Variants in PNPLA6 observed in about 807,000 individuals in gnomAD.
PNPLA6 encodes the protein patatin like domain 6, lysophospholipase.
A neutral mutation model predicts 153.7 loss-of-function variants in PNPLA6; 105 were observed. The ratio of observed to expected loss-of-function variants is 0.68; its 90% CI spans 0.58 to 0.80. The LOEUF (loss-of-function observed/expected upper bound fraction) is 0.80, where lower values mean the gene tolerates loss of function less well. Ranked by LOEUF, PNPLA6 falls within the 30% of genes least tolerant of loss-of-function variation. PNPLA6 has a pLI of 0.00. For missense variants in PNPLA6, 1,423 were observed against 1,919.3 expected (o/e 0.74, Z 4.83); for synonymous variants, 825 against 822.2 (o/e 1.00, Z -0.06).
Position 7,539,903 on chromosome 19 carries a change from C to G in PNPLA6, c.414-15C>G, listed in dbSNP as rs1156617913. Reference sequence around the variant, plus strand: ...CGTGCCCCCCTCACCCCCGGCACCCCTCCCCTCCCACCAGGATCCTGCGCA... The same window carrying G: ...CGTGCCCCCCTCACCCCCGGCACCCGTCCCCTCCCACCAGGATCCTGCGCA... On this transcript the variant is annotated splice_polypyrimidine_tract_variant and intron_variant, in intron 3 of 31. Transcript: ENST00000600737. 6.5e-7 allele frequency: 1 copy of G among 1,531,386 alleles called. No homozygotes were observed. Among genetic ancestry groups the G allele is most frequent in the South Asian group, 1.2e-5 (1 of 83,866 alleles). 94.9% of individuals were successfully genotyped at this position (1,531,386 alleles called of 1,614,324 possible). A position where few individuals can be genotyped will look rare whatever the true frequency, so the allele number is the denominator to read the frequency against.
chr19:7,549,765 C>A, intron 13 of PNPLA6, 142 bp from the exon 14 acceptor site: 2 of 800,706 alleles, frequency 2.5e-6, no homozygotes, highest in African/African-American at 1.7e-5. Flanking sequence ...GGGATTACAG[C>A]CGTGAGCCAC....
Position 7,558,845 on chromosome 19 carries a change from C to G in PNPLA6, c.3398-5C>G, listed in dbSNP as rs1236797758. On this transcript the variant is annotated splice_region_variant and splice_polypyrimidine_tract_variant and intron_variant, in intron 27 of 31. Coordinates refer to ENST00000600737, the MANE Select transcript of PNPLA6 (RefSeq NM_001166114.2). ...AGCAGCCCGCTGACCCCCCTGGCCCCACAGCGGACATCGCCCGCAGCATGG... is the reference window on the plus strand; with the variant it reads ...AGCAGCCCGCTGACCCCCCTGGCCCGACAGCGGACATCGCCCGCAGCATGG... 6.2e-7 allele frequency: 1 copy of G among 1,604,338 alleles called. No individual in the cohort carries two copies. The highest frequency in any genetic ancestry group is 8.5e-7 in the Non-Finnish European group (1 of 1,178,980).
chr19:7,555,066 T>C lies in PNPLA6; in HGVS notation c.2808T>C (p.Pro936=), dbSNP rs1159313089. The C allele has an allele frequency of 7.5e-6, 12 of 1,593,382 alleles. No individual in the cohort carries two copies. The highest frequency in any genetic ancestry group is 1.0e-5 in the Non-Finnish European group (12 of 1,178,150). ...CPRRLFSRRS[P]AKLHELYEKV... is the part of the protein sequence containing the mutation. ...GCCGCCTCTTTTCGCGCCGCAGCCC[T>C]GCCAAGCTGGTGAGGAGCGGGCCGG... Residue 936 remains proline, a synonymous_variant, in exon 22 of 32, where the codon CCT becomes CCC. Transcript: ENST00000600737. This position sits in a 1 kb window ranked among gnomAD's most constrained non-coding sequence, Gnocchi z 6.3.
chr19:7,557,996 C>T (rs1020906952), intron 27 of PNPLA6, among the ~76,000 whole-genome samples: 2 of 152,200 alleles, frequency 1.3e-5, no homozygotes, highest in African/African-American at 4.8e-5. Flanking sequence ...CGTGTACACA[C>T]AGGCACATGT....
Position 7,542,818 on chromosome 19 carries a change from G to A in PNPLA6, c.1420G>A (p.Glu474Lys), listed in dbSNP as rs768111979. 14 of 1,613,116 alleles carry A rather than the reference G, an allele frequency of 8.7e-6. No homozygotes were observed. The highest frequency in any genetic ancestry group is 1.6e-4 in the Middle Eastern group (1 of 6,062). Residue 474 changes from glutamate to lysine, a missense_variant, in exon 12 of 32, where the codon GAG becomes AAG. Physicochemically the swap from Glu to Lys is moderately conservative, Grantham distance 56. Transcript: ENST00000600737. ...AGGCGCCTGTGAATACAGCTACTGTGAGGATGAGTCGGCCACTGGTGGCTG... is the reference window on the plus strand; with the variant it reads ...AGGCGCCTGTGAATACAGCTACTGTAAGGATGAGTCGGCCACTGGTGGCTG... ...PAGACEYSYC[E>K]DESATGGCPF...
intron 18 of PNPLA6, among the ~76,000 whole-genome samples, chr19:7,553,600 G>A (rs1950178041): frequency 6.6e-6 from 1 of 152,258 alleles, no homozygotes; most frequent in Non-Finnish European, 1.5e-5. Context: ...GTAGAGTTGT[G>A]TAATGGATCC....
chr19:7,535,549 C>T (rs1184959753), upstream of PNPLA6: 1 of 1,603,360 alleles, frequency 6.2e-7, no homozygotes, highest in Admixed American at 1.7e-5. This position sits in a 1 kb window ranked among gnomAD's most constrained non-coding sequence, Gnocchi z 5.0. Context: ...TGGAATCAAC[C>T]GATGGAGGCT....
Position 7,556,485 on chromosome 19 carries a change from C to T in PNPLA6, c.3126C>T (p.Asp1042=). The T allele has an allele frequency of 6.2e-7, 1 of 1,613,518 alleles. No individual in the cohort carries two copies. The highest frequency in any genetic ancestry group is 2.2e-5 in the East Asian group (1 of 44,870). ...SMTSVLEPVL[D]LTYPVTSMFT... ...CTTCGGTGCTGGAACCTGTGTTGGA[C>T]CTCACGTACCCAGTCACCTCCATGT... Residue 1042 remains aspartate (D), a synonymous_variant, in exon 25 of 32, where the codon GAC becomes GAT. Coordinates refer to ENST00000600737, the MANE Select transcript of PNPLA6 (RefSeq NM_001166114.2).
At chr19:7,558,665 C>A (rs1403973617) in intron 27 of PNPLA6, among the ~76,000 whole-genome samples, 185 bp from the exon 28 acceptor site, 2 of 152,150 alleles carry the variant, frequency 1.3e-5, no homozygotes, top group Admixed American at 1.3e-4. Flanking sequence ...ACACCTGACC[C>A]CCCTCCTCAA....
intron 3 of PNPLA6, among the ~76,000 whole-genome samples, chr19:7,537,245 G>A (rs564376276): frequency 1.3e-5 from 2 of 152,070 alleles, no homozygotes; most frequent in Non-Finnish European, 2.9e-5. Context: ...AGGTAATTGT[G>A]TTTCTACGAT....
At chr19:7,550,243 C>G (rs2023584004) in intron 14 of PNPLA6, 55 bp from the exon 15 acceptor site, 1 of 1,612,502 alleles carries the variant, frequency 6.2e-7, no homozygotes, top group Admixed American at 1.7e-5. Flanking sequence ...CCTCCCAGCG[C>G]CGGTGTAGGA....
At position 7,541,809 on chromosome 19, in the gene PNPLA6, C is replaced by T. The variant is rs111585020; in HGVS notation, c.1168+125C>T. The T allele has an allele frequency of 1.6e-3, 1,951 of 1,206,526 alleles. 20 individuals are homozygous for T. In the African/African-American group the frequency reaches 0.026, roughly 16 times the overall value. 74.7% of individuals were successfully genotyped at this position (1,206,526 alleles called of 1,614,324 possible). On this transcript the variant is annotated intron_variant, in intron 9 of 31. Coordinates refer to ENST00000600737, the MANE Select transcript of PNPLA6 (RefSeq NM_001166114.2). This position sits in a 1 kb window ranked among gnomAD's most constrained non-coding sequence, Gnocchi z 5.2. ...GTCCAGCCCCACAGGGACTCCATAG[C>T]GGGGTACCCAGGTCTGACTCCTATC... is the stretch of plus-strand genomic sequence containing the variant.
chr19:7,535,999 G>A lies in PNPLA6; in HGVS notation c.211G>A (p.Val71Met). 6.3e-7 allele frequency: 1 copy of A among 1,578,478 alleles called. No individual in the cohort carries two copies. Residue 71 changes from valine (V) to methionine (M), a missense_variant, in exon 1 of 32, where the codon GTG (valine) becomes ATG (methionine). Physicochemically the swap from Val to Met is conservative, Grantham distance 21. Coordinates refer to ENST00000600737, the MANE Select transcript of PNPLA6 (RefSeq NM_001166114.2). This position sits in a 1 kb window ranked among gnomAD's most constrained non-coding sequence, Gnocchi z 5.0. Reference protein sequence around the residue: ...VVTAVLILLVVRRLRVPKTPA... With the variant: ...VVTAVLILLVMRRLRVPKTPA... ...CACGGCCGTGCTCATCCTCCTGGTG[G>A]TGCGGAGGCTGCGAGTGCCAAGTGA...
Position 7,554,215 on chromosome 19 carries a change from C to G in PNPLA6, c.2408C>G (p.Thr803Arg). 4.3e-6 allele frequency: 7 copies of G among 1,614,012 alleles called. No individual in the cohort carries two copies. The highest frequency in any genetic ancestry group is 1.1e-5 in the South Asian group (1 of 91,086). Residue 803 changes from threonine (T) to arginine (R), a missense_variant, in exon 20 of 32, where the codon ACG (threonine) becomes AGG (arginine). Coordinates refer to ENST00000600737, the MANE Select transcript of PNPLA6 (RefSeq NM_001166114.2). Reference sequence around the variant, plus strand: ...CTTCCCCACCTACCCCTAGGTCCGACGCTACTCCTTAACAGTGACATCATC... The same window carrying G: ...CTTCCCCACCTACCCCTAGGTCCGAGGCTACTCCTTAACAGTGACATCATC... ...LQHALQAIGP[T>R]LLLNSDIIRA...
At chr19:7,560,901 A>G (rs1191882064) in intron 29 of PNPLA6, 113 bp from the exon 30 acceptor site, 2 of 855,044 alleles carry the variant, frequency 2.3e-6, no homozygotes, top group Non-Finnish European at 3.9e-6. Context: ...TGCTGACTTC[A>G]GAGAGTTCCC....
intron 16 of PNPLA6, 52 bp downstream of exon 16, chr19:7,550,692 C>T (rs751035811): frequency 1.2e-6 from 2 of 1,601,268 alleles, no homozygotes; most frequent in Admixed American, 3.4e-5. Context: ...GCCAGTCCCT[C>T]GACAACTCAC....
chr19:7,536,829 A>G (rs911650788), intron 3 of PNPLA6, among the ~76,000 whole-genome samples: 1 of 148,792 alleles, frequency 6.7e-6, no homozygotes, highest in Non-Finnish European at 1.5e-5. Context: ...CAGAAGGGTG[A>G]GACAGGAGAA....
Position 7,541,550 on chromosome 19 carries a change from G to C in PNPLA6, c.1034G>C (p.Ser345Thr). 1 of 1,603,874 alleles carries C rather than the reference G, an allele frequency of 6.2e-7. No homozygotes were observed. Among genetic ancestry groups the C allele is most frequent in the Non-Finnish European group, 8.5e-7 (1 of 1,175,468 alleles). Reference protein sequence around the residue: ...HEIQPLRLFPSPGLPTRTSPV... With the variant: ...HEIQPLRLFPTPGLPTRTSPV... The stretch of plus-strand genomic sequence containing the variant: ...ATCCAGCCCCTGCGTCTGTTCCCCA[G>C]CCCCGGCCTCCCAACTCGCACCAGC... Residue 345 changes from serine to threonine, a missense_variant, in exon 9 of 32, where the codon AGC becomes ACC. Around this residue, in one of 10 missense-constraint regions of PNPLA6, gnomAD observed 267 missense variants for 255.1 expected, o/e 1.05. Transcript: ENST00000600737. The surrounding 1 kb of genome is among the most constrained non-coding windows in gnomAD (Gnocchi z 5.2).
chr19:7,556,361 C>G (rs1241160272), intron 24 of PNPLA6, 92 bp from the exon 25 acceptor site: 1 of 822,094 alleles, frequency 1.2e-6, no homozygotes, highest in African/African-American at 1.7e-5. Context: ...TGCACCTGGC[C>G]CCTAAGTGCT....
Sources: gnomAD v4.1 joint callset for allele counts (sites outside exome capture counted in the v4.1 genomes callset) on GRCh38, gnomAD v4.1.1 for gene constraint, gnomAD v4.1.1 regional missense constraint, Gnocchi (gnomAD v3.1) non-coding constraint, MANE v1.5 for transcripts, NCBI Gene and HGNC (gene_info 2026-07-23, HGNC 2026-07-21) for gene names.